The following ABLIM1 variants were observed in gnomAD, a reference collection of about 807,000 sequenced individuals.
ABLIM1 encodes the protein actin-binding LIM protein 1.
In ABLIM1, 40 loss-of-function variants were observed where a neutral mutation model predicts 107.0. The observed-to-expected ratio is 0.37, with a 90% CI of 0.29 to 0.49. The LOEUF (loss-of-function observed/expected upper bound fraction) is 0.49, where lower values mean the gene tolerates loss of function less well. ABLIM1 is among the 20% of genes least tolerant of loss of function. The pLI, the probability that ABLIM1 is intolerant of heterozygous loss-of-function variation, is 0.97. For synonymous variants in ABLIM1, 357 were observed against 357.3 expected, an observed-to-expected ratio of 1.00 and a Z score of 0.01; for missense variants, 857 against 1,008.5, an observed-to-expected ratio of 0.85 and a Z score of 2.04.
the ABLIM1 span, among the ~76,000 whole-genome samples, chr10:114,787,595 C>G: frequency 7.1e-6 from 1 of 141,440 alleles, no homozygotes; most frequent in Non-Finnish European, 1.6e-5. Context: ...GTCAGCCCCC[C>G]GCCCGGCCAG....
intron 1 of ABLIM1, among the ~76,000 whole-genome samples, chr10:114,644,879 A>G (rs1471441070): frequency 6.6e-6 from 1 of 152,208 alleles, no homozygotes; most frequent in Non-Finnish European, 1.5e-5. Flanking sequence ...ACGGGCGGGA[A>G]GAGAATAGGG....
At chr10:114,503,152 A>G (rs2060653504) in intron 6 of ABLIM1, among the ~76,000 whole-genome samples, 1 of 152,162 alleles carries the variant, frequency 6.6e-6, no homozygotes, top group African/African-American at 2.4e-5. Flanking sequence ...CATTTGGGTA[A>G]CTTAAAAATT....
intron 1 of ABLIM1, among the ~76,000 whole-genome samples, chr10:114,701,477 C>T (rs893669655): frequency 1.3e-5 from 2 of 152,070 alleles, no homozygotes; most frequent in African/African-American, 2.4e-5. Context: ...ATGTTCACAG[C>T]AGCTTTATTC....
intron 1 of ABLIM1, among the ~76,000 whole-genome samples, chr10:114,713,522 T>G (rs2081597072): frequency 6.6e-6 from 1 of 152,236 alleles, no homozygotes; most frequent in Admixed American, 6.5e-5. Flanking sequence ...TATCCCTCAG[T>G]GTTTTTCTTA....
Position 114,606,380 on chromosome 10 carries a change from C to T in ABLIM1, c.245-4419G>A, listed in dbSNP as rs150210704. On this transcript the variant is annotated intron_variant, in intron 1 of 22. Transcript: ENST00000533213. ...CCTCCCTAGTGACTGGGACTATAGG[C>T]GCACACCTCCATGCCCAGCTAATTT... is the stretch of plus-strand genomic sequence containing the variant. 6.2e-3 allele frequency among the ~76,000 whole-genome samples: 939 copies of T among 152,100 alleles called. 5 individuals carry two copies. The highest frequency in any genetic ancestry group is 0.012 in the Admixed American group (177 of 15,278).
chr10:114,768,165 G>A (rs1000543202), upstream of ABLIM1: 3 of 229,250 alleles, frequency 1.3e-5, no homozygotes, highest in South Asian at 8.0e-5. Context: ...GCCCGGCCCC[G>A]GCCCCCTCCG....
At chr10:114,775,043 G>A in the ABLIM1 span, among the ~76,000 whole-genome samples, 7 of 152,124 alleles carry the variant, frequency 4.6e-5, no homozygotes, top group Non-Finnish European at 1.0e-4. Flanking sequence ...TGACTGGGGA[G>A]GCCTCAGGAG....
intron 1 of ABLIM1, among the ~76,000 whole-genome samples, chr10:114,627,837 C>A (rs1289383754): frequency 2.0e-5 from 3 of 152,130 alleles, no homozygotes; most frequent in Non-Finnish European, 4.4e-5. Context: ...TTGTTCACAT[C>A]TTAGCCTGGG....
At chr10:114,758,166 C>T (rs2082671880) in intron 1 of ABLIM1, among the ~76,000 whole-genome samples, 1 of 152,120 alleles carries the variant, frequency 6.6e-6, no homozygotes, top group Admixed American at 6.6e-5. Flanking sequence ...ATTTTTTTCA[C>T]AGTACTTTAC....
intron 6 of ABLIM1, among the ~76,000 whole-genome samples, chr10:114,505,054 G>A (rs2060941936): frequency 6.6e-6 from 1 of 152,162 alleles, no homozygotes; most frequent in Non-Finnish European, 1.5e-5. Flanking sequence ...GACCCCAGAG[G>A]GAGAGACCCC....
At chr10:114,718,155 A>G (rs1215661534) in intron 1 of ABLIM1, among the ~76,000 whole-genome samples, 1 of 151,832 alleles carries the variant, frequency 6.6e-6, no homozygotes, top group African/African-American at 2.4e-5. Flanking sequence ...AGAGAAAAAA[A>G]GAAAAAGAAA....
chr10:114,769,411 AAAGAAAAGAAGGAAAG>A (rs1444881073), upstream of ABLIM1, among the ~76,000 whole-genome samples: 8 of 125,712 alleles, frequency 6.4e-5, no homozygotes, highest in South Asian at 2.7e-4. Flanking sequence ...AGAAAGAAAG[AAAGAAAAGAAGGAAAG>A]AAAGAAAGAA....
intron 4 of ABLIM1, among the ~76,000 whole-genome samples, chr10:114,562,357 G>A (rs1200000709): frequency 1.3e-5 from 2 of 151,974 alleles, no homozygotes; most frequent in Admixed American, 6.6e-5. Context: ...GTGAAACCCC[G>A]TCTCTACTAA....
chr10:114,503,526 T>G lies in ABLIM1; in HGVS notation c.895-11648A>C, dbSNP rs553255074. Among the ~76,000 whole-genome samples, 66 of 152,282 alleles carry G rather than the reference T, an allele frequency of 4.3e-4. 1 individual carries two copies. Among genetic ancestry groups the G allele is most frequent in the African/African-American group, 1.5e-3 (63 of 41,560 alleles). ...ATTCCTGCCCATGTCTTTTGGTAAA[T>G]TATATACATATTTCAGTTGTATATA... On this transcript the variant is annotated intron_variant, in intron 6 of 22. Coordinates refer to ENST00000533213, the MANE Select transcript of ABLIM1 (RefSeq NM_002313.7).
chr10:114,596,570 C>T (rs2075435605), intron 2 of ABLIM1, among the ~76,000 whole-genome samples: 1 of 152,246 alleles, frequency 6.6e-6, no homozygotes, highest in African/African-American at 2.4e-5. Flanking sequence ...CCATCAGATC[C>T]CACAATGTCA....
intron 6 of ABLIM1, among the ~76,000 whole-genome samples, chr10:114,503,557 A>G (rs1446023448): frequency 1.3e-5 from 2 of 152,168 alleles, no homozygotes; most frequent in African/African-American, 4.8e-5. Context: ...ATATATATAC[A>G]TATATATGCA....
chr10:114,641,640 T>A (rs958075729), intron 1 of ABLIM1, among the ~76,000 whole-genome samples: 2 of 152,178 alleles, frequency 1.3e-5, no homozygotes, highest in Admixed American at 6.5e-5. Flanking sequence ...GAGGACGTGC[T>A]ATGTGAGTAA....
At chr10:114,767,726 A>T (rs900587937) in intron 1 of ABLIM1, among the ~76,000 whole-genome samples, 2 of 152,054 alleles carry the variant, frequency 1.3e-5, no homozygotes, top group African/African-American at 4.8e-5. Flanking sequence ...GGAGGAAAAA[A>T]TACCTCTTCC....
At position 114,487,957 on chromosome 10, in the gene ABLIM1, C is replaced by T; in HGVS notation, c.1041+1G>A. On this transcript the variant is annotated splice_donor_variant, in intron 8 of 22. Coordinates refer to ENST00000533213, the MANE Select transcript of ABLIM1 (RefSeq NM_002313.7). LOFTEE classifies it high-confidence loss of function. The stretch of plus-strand genomic sequence containing the variant: ...GCATCATGTTTTAATTGTGTCCTTA[C>T]CCGCAGCTTTTCCTCGGTCTTCGTA... 6.2e-7 allele frequency: 1 copy of T among 1,614,104 alleles called. No individual in the cohort carries two copies. The highest frequency in any genetic ancestry group is 8.5e-7 in the Non-Finnish European group (1 of 1,179,992).
Sources: allele counts gnomAD v4.1 joint callset (sites outside exome capture counted in the v4.1 genomes callset), GRCh38; gene constraint gnomAD v4.1.1; transcripts MANE v1.5; gene names NCBI Gene and HGNC (gene_info 2026-07-23, HGNC 2026-07-21).